The following FNDC3B variants were observed in gnomAD, a reference collection of about 807,000 sequenced individuals.
FNDC3B encodes fibronectin type III domain-containing protein 3B.
FNDC3B carries 12 observed loss-of-function variants against 151.5 expected under a neutral mutation model. That is an observed-to-expected ratio of 0.08 (90% confidence interval 0.05 to 0.13). The LOEUF (loss-of-function observed/expected upper bound fraction) is 0.13, where lower values mean the gene tolerates loss of function less well. Among genes scored for constraint, FNDC3B ranks in the 10% least tolerant of loss-of-function variants. The pLI is 1.00. For synonymous variants in FNDC3B, 528 were observed against 549.0 expected, an observed-to-expected ratio of 0.96 and a Z score of 0.54; for missense variants, 1,214 against 1,505.3, an observed-to-expected ratio of 0.81 and a Z score of 3.20.
chr3:172,343,709 G>C (rs770557246), intron 18 of FNDC3B, among the ~76,000 whole-genome samples: 1 of 152,144 alleles, frequency 6.6e-6, no homozygotes, highest in Non-Finnish European at 1.5e-5. Flanking sequence ...ATAATAAATT[G>C]TGCCAATTTG....
At chr3:172,157,793 G>C (rs1171750787) in intron 3 of FNDC3B, among the ~76,000 whole-genome samples, 1 of 152,218 alleles carries the variant, frequency 6.6e-6, no homozygotes, top group Non-Finnish European at 1.5e-5. Context: ...ACATTTGATA[G>C]TTCTGGCTTT....
intron 1 of FNDC3B, among the ~76,000 whole-genome samples, chr3:172,051,007 T>C (rs1296670581): frequency 6.6e-6 from 1 of 152,066 alleles, no homozygotes; most frequent in African/African-American, 2.4e-5. Flanking sequence ...CAAAAGAAAA[T>C]GATCTCCCCT....
intron 23 of FNDC3B, among the ~76,000 whole-genome samples, chr3:172,367,609 T>C (rs1300234062): frequency 2.0e-5 from 3 of 152,232 alleles, no homozygotes; most frequent in Non-Finnish European, 4.4e-5. Context: ...TTTAAGATTG[T>C]AGCACTGTGC....
At chr3:172,299,549 T>G (rs555836305) in intron 9 of FNDC3B, among the ~76,000 whole-genome samples, 5 of 152,340 alleles carry the variant, frequency 3.3e-5, no homozygotes, top group African/African-American at 1.2e-4. Flanking sequence ...TTAATCTTTA[T>G]TTTATCTAAT....
intron 22 of FNDC3B, 99 bp downstream of exon 22, chr3:172,353,182 C>T: frequency 1.7e-6 from 2 of 1,193,560 alleles, no homozygotes; most frequent in Non-Finnish European, 2.4e-6. Flanking sequence ...CATCTCCCAG[C>T]TGTTTCTAAG....
At chr3:172,083,342 C>T (rs1324334746) in intron 1 of FNDC3B, among the ~76,000 whole-genome samples, 3 of 152,216 alleles carry the variant, frequency 2.0e-5, no homozygotes, top group African/African-American at 7.2e-5. Flanking sequence ...GCAGATGGAG[C>T]TGCACACACT....
At chr3:172,050,197 G>A (rs1467144898) in intron 1 of FNDC3B, among the ~76,000 whole-genome samples, 1 of 152,010 alleles carries the variant, frequency 6.6e-6, no homozygotes, top group Non-Finnish European at 1.5e-5. Context: ...TGAAAAGTAT[G>A]TATACTCAAA....
At chr3:172,396,624 C>T (rs575007857) in intron 25 of FNDC3B, among the ~76,000 whole-genome samples, 1 of 152,306 alleles carries the variant, frequency 6.6e-6, no homozygotes, top group South Asian at 2.1e-4. Flanking sequence ...AGGAACGTTA[C>T]TGCCTGAGCT....
intron 1 of FNDC3B, among the ~76,000 whole-genome samples, chr3:172,052,499 GT>G (rs1403516718): frequency 6.6e-6 from 1 of 152,210 alleles, no homozygotes; most frequent in Admixed American, 6.5e-5. Flanking sequence ...TTCTGTCCAA[GT>G]GTTGGTTAGT....
intron 3 of FNDC3B, among the ~76,000 whole-genome samples, chr3:172,226,253 C>T (rs1372425333): frequency 1.4e-5 from 2 of 147,034 alleles, no homozygotes; most frequent in Non-Finnish European, 1.5e-5. Flanking sequence ...TGCAGTGAGC[C>T]GAGATCGCGC....
intron 1 of FNDC3B, among the ~76,000 whole-genome samples, chr3:172,098,972 G>T (rs1192995037): frequency 6.6e-6 from 1 of 152,190 alleles, no homozygotes; most frequent in Non-Finnish European, 1.5e-5. Context: ...ACACAATGCT[G>T]CCTCTCGGCA....
At chr3:172,323,993 G>T (rs1732219821) in intron 11 of FNDC3B, among the ~76,000 whole-genome samples, 1 of 152,122 alleles carries the variant, frequency 6.6e-6, no homozygotes, top group African/African-American at 2.4e-5. Context: ...TGAAATGAAA[G>T]AGGCACTTAC....
rs529556497 is a variant in FNDC3B at position 172,257,560 on chromosome 3, A to T, written c.790+6019A>T. ...TATCCCTTCACCCCTACCACATCAC[A>T]CGCATTCATACACACACACACACAC... On this transcript the variant is annotated intron_variant, in intron 6 of 25. Coordinates refer to ENST00000415807, the MANE Select transcript of FNDC3B (RefSeq NM_022763.4). Among the ~76,000 whole-genome samples, 20 of 131,676 alleles carry T rather than the reference A, an allele frequency of 1.5e-4. 1 individual carries two copies. The East Asian group carries it at 2.8e-3, about 18-fold the overall frequency. The allele number at this position is 131,676 out of a possible 152,430, so 86.4% of individuals were successfully genotyped here.
intron 1 of FNDC3B, among the ~76,000 whole-genome samples, chr3:172,102,697 C>T (rs74580535): frequency 0.027 from 4,069 of 152,162 alleles, 163 homozygotes; most frequent in African/African-American, 0.088. Context: ...AAGGTCTGGG[C>T]AAGGGCTGGG....
rs1315970683 is a variant in FNDC3B at position 172,307,343 on chromosome 3, T to G, written c.1062-20T>G. The stretch of plus-strand genomic sequence containing the variant: ...TCTATGATGAGTCACTGCCACTGAC[T>G]GTGTCTGTTTTGTTTTCAGGGTGTA... On this transcript the variant is annotated intron_variant, in intron 9 of 25. Transcript: ENST00000415807. 1 of 1,613,762 alleles carries G rather than the reference T, an allele frequency of 6.2e-7. No homozygotes were observed. Among genetic ancestry groups the G allele is most frequent in the East Asian group, 2.2e-5 (1 of 44,896 alleles).
chr3:172,190,658 TTTTTG>T (rs138846991), intron 3 of FNDC3B, among the ~76,000 whole-genome samples: 9,214 of 152,150 alleles, frequency 0.061, 936 homozygotes, highest in African/African-American at 0.21. Context: ...ATTGTGTCTT[TTTTTG>T]TTTTGTTTTG....
At chr3:172,329,308 T>C (rs1274666139) in intron 12 of FNDC3B, 1 of 421,116 alleles carries the variant, frequency 2.4e-6, no homozygotes, top group African/African-American at 2.0e-5. Context: ...TAGGGGTCTC[T>C]AAGAACCAAG....
intron 1 of FNDC3B, among the ~76,000 whole-genome samples, chr3:172,055,638 T>C (rs943307117): frequency 2.6e-5 from 4 of 152,160 alleles, no homozygotes; most frequent in African/African-American, 9.7e-5. Flanking sequence ...GTCTGAAGTG[T>C]TTGCCATTAA....
At position 172,369,838 on chromosome 3, in the gene FNDC3B, T is replaced by C. The variant is rs185648681; in HGVS notation, c.3008+6993T>C. Among the ~76,000 whole-genome samples, 6 of 152,262 alleles carry C rather than the reference T, an allele frequency of 3.9e-5. No homozygotes were observed. In the East Asian group the frequency reaches 1.2e-3, roughly 29 times the overall value. ...CTTGGCAGAGTGAGGGCGAATACTATCCATTTCTATTTTGAGCACCGTTCG... is the reference window on the plus strand; with the variant it reads ...CTTGGCAGAGTGAGGGCGAATACTACCCATTTCTATTTTGAGCACCGTTCG... On this transcript the variant is annotated intron_variant, in intron 23 of 25. Coordinates refer to ENST00000415807, the MANE Select transcript of FNDC3B (RefSeq NM_022763.4).
Sources: gnomAD v4.1 joint callset for allele counts (sites outside exome capture counted in the v4.1 genomes callset) on GRCh38, gnomAD v4.1.1 for gene constraint, MANE v1.5 for transcripts, NCBI Gene and HGNC (gene_info 2026-07-23, HGNC 2026-07-21) for gene names.